PCDHGA3: variants seen among roughly 807,000 people sequenced by gnomAD.
PCDHGA3 encodes the protein protocadherin gamma-A3.
Under a neutral mutation model 58.5 loss-of-function variants are expected in PCDHGA3, and 40 were observed. That is an observed-to-expected ratio of 0.68 (90% confidence interval 0.53 to 0.89). The LOEUF (loss-of-function observed/expected upper bound fraction) is 0.89. Ranked by LOEUF, PCDHGA3 falls within the 40% of genes least tolerant of loss-of-function variation. The pLI is 0.00. For missense variants in PCDHGA3, 1,223 were observed against 1,195.9 expected (o/e 1.02, Z -0.33); for synonymous variants, 530 against 525.7 (o/e 1.01, Z -0.11).
At chr5:141,466,515 TTTTCCTCCCAAATTGA>T (rs2099124043) in intron 1 of PCDHGA3, among the ~76,000 whole-genome samples, 1 of 152,232 alleles carries the variant, frequency 6.6e-6, no homozygotes, top group Admixed American at 6.5e-5. Context: ...AGATCATTTT[TTTTCCTCCCAAATTGA>T]TGTAGATGGT....
At chr5:141,365,968 G>A (rs1764235643) in intron 1 of PCDHGA3, 10 of 1,614,258 alleles carry the variant, frequency 6.2e-6, no homozygotes, top group African/African-American at 1.3e-5. Context: ...GCAGCAACGT[G>A]TCGCTGAGCC....
intron 1 of PCDHGA3, among the ~76,000 whole-genome samples, chr5:141,444,359 C>T (rs942218966): frequency 7.9e-5 from 12 of 151,582 alleles, no homozygotes; most frequent in East Asian, 7.7e-4. Context: ...TTAGTAGAGA[C>T]GGGGTTTCTC....
intron 1 of PCDHGA3, among the ~76,000 whole-genome samples, chr5:141,443,905 A>G (rs963772369): frequency 6.6e-6 from 1 of 152,204 alleles, no homozygotes; most frequent in Admixed American, 6.5e-5. Context: ...TAGTAGGAAA[A>G]TTCATAAAAG....
intron 1 of PCDHGA3, chr5:141,408,371 A>C (rs2095092452): frequency 6.2e-7 from 1 of 1,613,848 alleles, no homozygotes; most frequent in Non-Finnish European, 8.5e-7. Flanking sequence ...TCTAGGGCTC[A>C]GTGTCCTGGA....
intron 1 of PCDHGA3, chr5:141,426,995 C>A (rs772977735): frequency 2.2e-6 from 1 of 456,694 alleles, no homozygotes; most frequent in South Asian, 1.5e-5. Context: ...ACGATAATGC[C>A]CCAGTTTTTA....
intron 1 of PCDHGA3, among the ~76,000 whole-genome samples, chr5:141,473,298 A>G (rs1033516450): frequency 1.3e-5 from 2 of 152,244 alleles, no homozygotes; most frequent in Non-Finnish European, 2.9e-5. Context: ...AGTAGCATAA[A>G]GATTGCTATA....
At chr5:141,396,645 A>G (rs1224275677) in intron 1 of PCDHGA3, 1 of 152,172 alleles carries the variant, frequency 6.6e-6, no homozygotes, top group Non-Finnish European at 1.5e-5. Context: ...TAATATTAAT[A>G]GTAAAAACTC....
intron 1 of PCDHGA3, chr5:141,419,776 C>T (rs965350189): frequency 1.2e-6 from 2 of 1,614,026 alleles, no homozygotes; most frequent in Admixed American, 1.7e-5. Context: ...ACTCGGTCCG[C>T]CAGCGCCTGC....
intron 1 of PCDHGA3, chr5:141,413,729 GAGTTC>G: frequency 6.2e-7 from 1 of 1,613,496 alleles, no homozygotes; most frequent in Non-Finnish European, 8.5e-7. Flanking sequence ...TTCTCCCTAA[GAGTTC>G]AGAGCCGTGC....
chr5:141,357,628 C>T, intron 1 of PCDHGA3: 1 of 1,613,256 alleles, frequency 6.2e-7, no homozygotes, highest in Non-Finnish European at 8.5e-7. Flanking sequence ...TCAGGTGAGT[C>T]AATCTTATAA....
intron 1 of PCDHGA3, chr5:141,413,841 T>A: frequency 6.2e-7 from 1 of 1,613,060 alleles, no homozygotes; most frequent in Non-Finnish European, 8.5e-7. Flanking sequence ...CCGACGGGGG[T>A]GACCCTCTCC....
At position 141,486,209 on chromosome 5, in the gene PCDHGA3, A is replaced by G. The variant is rs749965379; in HGVS notation, c.2425-8598A>G. 1.2e-6 allele frequency: 2 copies of G among 1,614,080 alleles called. No homozygotes were observed. The highest frequency in any genetic ancestry group is 1.7e-6 in the Non-Finnish European group (2 of 1,179,988). ...AGTGGATCTGCTGGACGTAAATGAC[A>G]ATGCCCCTTACATCACAGTGACCTC... On this transcript the variant is annotated intron_variant, in intron 1 of 3. Transcript: ENST00000253812. The surrounding 1 kb of genome is among the most constrained non-coding windows in gnomAD (Gnocchi z 5.0).
chr5:141,409,438 A>G (rs1459982502), intron 1 of PCDHGA3: 2 of 1,613,984 alleles, frequency 1.2e-6, no homozygotes, highest in Non-Finnish European at 1.7e-6. Flanking sequence ...CCCTGGACCG[A>G]GAGCAGACAC....
chr5:141,433,328 G>A (rs965877578), intron 1 of PCDHGA3: 3 of 724,464 alleles, frequency 4.1e-6, no homozygotes, highest in African/African-American at 3.6e-5. Context: ...GGTGTAACAG[G>A]GACTACAGGT....
intron 1 of PCDHGA3, chr5:141,351,709 C>G (rs780183038): frequency 6.2e-7 from 1 of 1,613,900 alleles, no homozygotes. Flanking sequence ...ACGGCAGAGT[C>G]TCCTACTCTA....
chr5:141,389,378 G>A (rs574837458), intron 1 of PCDHGA3: 4 of 1,613,766 alleles, frequency 2.5e-6, no homozygotes, highest in African/African-American at 2.7e-5. Flanking sequence ...AGCAGCGGGA[G>A]CTGTCATCCT....
Position 141,477,609 on chromosome 5 carries a change from A to T in PCDHGA3, c.2425-17198A>T, listed in dbSNP as rs775454070. The T allele has an allele frequency of 6.2e-7, 1 of 1,614,192 alleles. No homozygotes were observed. The highest frequency in any genetic ancestry group is 1.1e-5 in the South Asian group (1 of 91,082). ...GCTCGGCTTTCTTTCTTTCTCTTGG[A>T]GCAAGGAGCTGAAACCGGGCTAGTG... On this transcript the variant is annotated intron_variant, in intron 1 of 3. Transcript: ENST00000253812. The surrounding 1 kb of genome is among the most constrained non-coding windows in gnomAD (Gnocchi z 4.9).
chr5:141,509,477 G>A (rs753058277), intron 3 of PCDHGA3, among the ~76,000 whole-genome samples: 7 of 152,166 alleles, frequency 4.6e-5, no homozygotes, highest in African/African-American at 7.2e-5. Context: ...CAGGTGAGGG[G>A]TAGAGGTGAT....
intron 1 of PCDHGA3, among the ~76,000 whole-genome samples, chr5:141,483,007 C>T (rs938404755): frequency 1.3e-5 from 2 of 152,022 alleles, no homozygotes; most frequent in Non-Finnish European, 2.9e-5. Flanking sequence ...ATTGCTTGAA[C>T]CCGGGAGGCA....
Sources: allele counts gnomAD v4.1 joint callset (sites outside exome capture counted in the v4.1 genomes callset), GRCh38; gene constraint gnomAD v4.1.1; non-coding constraint Gnocchi (gnomAD v3.1); transcripts MANE v1.5; gene names NCBI Gene and HGNC (gene_info 2026-07-23, HGNC 2026-07-21).